LMO2: variants seen among roughly 807,000 people sequenced by gnomAD.
LMO2 encodes the protein rhombotin-2.
In LMO2, 20 loss-of-function variants were observed where a neutral mutation model predicts 23.2. That is an observed-to-expected ratio of 0.86 (90% CI 0.61 to 1.25). The LOEUF (loss-of-function observed/expected upper bound fraction) is 1.25. LMO2 is among the 50% of genes most tolerant of loss of function. The pLI, the probability that LMO2 is intolerant of heterozygous loss-of-function variation, is 0.00. For missense variants in LMO2, 270 were observed against 315.3 expected (o/e 0.86, Z 1.09); for synonymous variants, 123 against 130.2 (o/e 0.94, Z 0.38).
intron 2 of LMO2, among the ~76,000 whole-genome samples, chr11:33,876,406 A>G (rs1857139653): frequency 6.6e-6 from 1 of 152,234 alleles, no homozygotes; most frequent in African/African-American, 2.4e-5. Context: ...CTGGCCCTCA[A>G]TAAATATTCA....
intron 1 of LMO2, among the ~76,000 whole-genome samples, chr11:33,885,482 A>T (rs749561837): frequency 2.6e-5 from 4 of 152,166 alleles, no homozygotes; most frequent in Non-Finnish European, 4.4e-5. Context: ...ATGGGGGCAG[A>T]TAGGAGGCCC....
intron 5 of LMO2, among the ~76,000 whole-genome samples, chr11:33,862,226 T>A (rs796782813): frequency 6.6e-6 from 1 of 152,118 alleles, no homozygotes; most frequent in African/African-American, 2.4e-5. Flanking sequence ...CCCTGGAATA[T>A]AAGTTATGCC....
chr11:33,858,789 T>C lies in LMO2; in HGVS notation c.*567A>G, dbSNP rs1221895127. 1.8e-5 allele frequency: 4 copies of C among 223,010 alleles called. No individual in the cohort carries two copies. Among genetic ancestry groups the C allele is most frequent in the Admixed American group, 5.7e-5 (1 of 17,522 alleles). The allele number at this position is 223,010 out of a possible 1,614,324, so 13.8% of individuals were successfully genotyped here. On this transcript the variant is annotated 3_prime_UTR_variant, in exon 6 of 6. Transcript: ENST00000257818. Reference sequence around the variant, plus strand: ...CTTTAAATAATTGTTTGGTTAAAAGTTGTGGTTTCCATTCTCAACCGAAAT... The same window carrying C: ...CTTTAAATAATTGTTTGGTTAAAAGCTGTGGTTTCCATTCTCAACCGAAAT...
At chr11:33,870,093 C>T (rs562574053) in intron 2 of LMO2, 106 bp from the exon 3 acceptor site, 15 of 280,638 alleles carry the variant, frequency 5.3e-5, no homozygotes, top group South Asian at 2.9e-4. Context: ...TTTTTTTAAA[C>T]GGGGCTCCTG....
intron 4 of LMO2, chr11:33,865,075 T>G: frequency 3.7e-6 from 2 of 538,622 alleles, no homozygotes; most frequent in Non-Finnish European, 3.4e-6. Flanking sequence ...CAAAGGCAAT[T>G]GCAGGTGGCA....
At chr11:33,865,974 TC>T (rs1856767918) in intron 4 of LMO2, among the ~76,000 whole-genome samples, 1 of 152,190 alleles carries the variant, frequency 6.6e-6, no homozygotes, top group Admixed American at 6.5e-5. Flanking sequence ...CTATTATGTT[TC>T]AAAAAACAGA....
chr11:33,870,489 G>GGCTGCGGGCTCCA (rs1856987522), intron 2 of LMO2: 1 of 980,186 alleles, frequency 1.0e-6, no homozygotes, highest in African/African-American at 1.9e-5. Flanking sequence ...TGCGGGCTCC[G>GGCTGCGGGCTCCA]GGCTGCGGGC....
intron 1 of LMO2, among the ~76,000 whole-genome samples, chr11:33,883,594 A>G (rs975124187): frequency 3.3e-5 from 5 of 152,186 alleles, no homozygotes; most frequent in Non-Finnish European, 2.9e-5. Flanking sequence ...GAGAGATCAG[A>G]GTGGATGGAC....
At chr11:33,870,102 TG>T (rs1160526331) in intron 2 of LMO2, 115 bp from the exon 3 acceptor site, 1 of 277,734 alleles carries the variant, frequency 3.6e-6, no homozygotes, top group Admixed American at 6.9e-5. Flanking sequence ...ACGGGGCTCC[TG>T]GGGATTAGCA....
intron 2 of LMO2, chr11:33,870,476 G>C (rs1856985918): frequency 2.0e-6 from 2 of 977,444 alleles, no homozygotes; most frequent in African/African-American, 3.5e-5. Context: ...GCGGGCCCCA[G>C]GCTGCGGGCT....
At chr11:33,860,016 G>A (rs1856512106) in intron 5 of LMO2, among the ~76,000 whole-genome samples, 1 of 152,112 alleles carries the variant, frequency 6.6e-6, no homozygotes, top group East Asian at 1.9e-4. Context: ...AATAAAACGG[G>A]CATTCTTCTG....
Position 33,869,539 on chromosome 11 carries a change from C to G in LMO2, c.55G>C (p.Glu19Gln). ...CTGCGCCTCCGCTTGCTCCGGCGCT[C>G]CGCCGGCGAGCTCGCCCCTCCGCGC... is the stretch of plus-strand genomic sequence containing the variant. ...LERGGASSPA[E>Q]RRSKRRRRSG... is the part of the protein sequence containing the mutation. Residue 19 changes from glutamate (E) to glutamine (Q), a missense_variant, in exon 4 of 6, where the codon GAG becomes CAG. Physicochemically the swap from Glu to Gln is conservative, Grantham distance 29. Coordinates refer to ENST00000257818, the MANE Select transcript of LMO2 (RefSeq NM_005574.4). The G allele has an allele frequency of 7.9e-7, 1 of 1,272,468 alleles. No individual in the cohort carries two copies. The highest frequency in any genetic ancestry group is 1.0e-6 in the Non-Finnish European group (1 of 997,784). 78.8% of individuals were successfully genotyped at this position (1,272,468 alleles called of 1,614,324 possible). A position where few individuals can be genotyped will look rare whatever the true frequency, so the allele number is the denominator to read the frequency against.
At position 33,870,502 on chromosome 11, in the gene LMO2, C is replaced by CA. The variant is rs1293032749; in HGVS notation, c.-271-516_-271-515insT. 1,687 of 987,144 alleles carry CA rather than the reference C, an allele frequency of 1.7e-3. 28 individuals carry two copies. In the African/African-American group the frequency reaches 0.028, roughly 16 times the overall value. 61.1% of individuals were successfully genotyped at this position (987,144 alleles called of 1,614,324 possible). A position where few individuals can be genotyped will look rare whatever the true frequency, so the allele number is the denominator to read the frequency against. ...GCTGCGGGCTCCGGGCTGCGGGCTC[C>CA]GGGCTGCGGCCGCGCTCTGCAGAGG... On this transcript the variant is annotated intron_variant, in intron 2 of 5. Transcript: ENST00000257818.
chr11:33,877,357 C>T (rs957725509), intron 2 of LMO2, among the ~76,000 whole-genome samples: 1 of 151,618 alleles, frequency 6.6e-6, no homozygotes, highest in Non-Finnish European at 1.5e-5. Flanking sequence ...GCTGGGGCAG[C>T]TGTGTTTTCT....
At chr11:33,863,725 A>T (rs1001441056) in intron 5 of LMO2, among the ~76,000 whole-genome samples, 8 of 152,270 alleles carry the variant, frequency 5.3e-5, no homozygotes, top group Non-Finnish European at 1.2e-4. Context: ...GATGGCCAAT[A>T]GGATGGCCCA....
In LMO2 at chr11:33,864,768, C is replaced by T. The variant is rs372988489; in HGVS notation, c.298G>A (p.Gly100Ser). 66 of 1,613,842 alleles carry T rather than the reference C, an allele frequency of 4.1e-5. No homozygotes were observed. In the South Asian group the frequency reaches 5.1e-4, roughly 12 times the overall value. The change falls in exon 5 of 6, where the codon GGC becomes AGC. Residue 100 changes from glycine (G) to serine (S), a missense_variant. Coordinates refer to ENST00000257818, the MANE Select transcript of LMO2 (RefSeq NM_005574.4). This position sits in a 1 kb window ranked among gnomAD's most constrained non-coding sequence, Gnocchi z 4.8. ...LQIPPSLLTC[G>S]GCQQNIGDRY... is the part of the protein sequence containing the mutation. ...TCCCCAATGTTCTGCTGGCAGCCGC[C>T]GCATGTCAGCAGGGATGGGGGGATC...
chr11:33,865,297 G>C (rs1378095870), intron 4 of LMO2: 2 of 204,088 alleles, frequency 9.8e-6, no homozygotes, highest in African/African-American at 4.6e-5. Flanking sequence ...AGAGTGCTAA[G>C]AATCTGCAAA....
intron 1 of LMO2, among the ~76,000 whole-genome samples, chr11:33,884,095 C>T (rs1263238378): frequency 6.6e-6 from 1 of 152,134 alleles, no homozygotes; most frequent in Non-Finnish European, 1.5e-5. Context: ...ACCCGGTGAT[C>T]ACAGGCAATT....
At chr11:33,861,969 A>AT (rs1175064720) in intron 5 of LMO2, among the ~76,000 whole-genome samples, 3 of 152,184 alleles carry the variant, frequency 2.0e-5, no homozygotes, top group Non-Finnish European at 4.4e-5. Context: ...GGATTCGGAG[A>AT]TTCTAATATT....
Sources: allele counts gnomAD v4.1 joint callset (sites outside exome capture counted in the v4.1 genomes callset), GRCh38; gene constraint gnomAD v4.1.1; non-coding constraint Gnocchi (gnomAD v3.1); transcripts MANE v1.5; gene names NCBI Gene and HGNC (gene_info 2026-07-23, HGNC 2026-07-21).